LINS1: variants seen among roughly 807,000 people sequenced by gnomAD.
LINS1 encodes the protein protein Lines homolog 1.
LINS1 carries 27 observed loss-of-function variants against 41.6 expected under a neutral mutation model. The ratio of observed to expected loss-of-function variants is 0.65; its 90% CI spans 0.48 to 0.89. The LOEUF (loss-of-function observed/expected upper bound fraction) is 0.89, where lower values mean the gene tolerates loss of function less well. Ranked by LOEUF, LINS1 falls within the 40% of genes least tolerant of loss-of-function variation. The pLI, the probability that LINS1 is intolerant of heterozygous loss-of-function variation, is 0.00. For missense variants in LINS1, 955 were observed against 884.1 expected (o/e 1.08, Z -1.02); for synonymous variants, 336 against 312.9 (o/e 1.07, Z -0.78).
chr15:100,572,181 C>G, intron 5 of LINS1, 116 bp from the exon 6 acceptor site: 1 of 1,523,848 alleles, frequency 6.6e-7, no homozygotes, highest in Non-Finnish European at 8.8e-7. Flanking sequence ...TCCTAATTCA[C>G]TTTCAAAAAG....
At chr15:100,586,404 G>C (rs1042255974) in intron 1 of LINS1, 3 of 152,168 alleles carry the variant, frequency 2.0e-5, no homozygotes, top group Non-Finnish European at 2.9e-5. Context: ...AATGCTTTGA[G>C]CTATTTTTGA....
chr15:100,589,663 T>G (rs1266808175), intron 1 of LINS1, among the ~76,000 whole-genome samples: 1 of 152,216 alleles, frequency 6.6e-6, no homozygotes, highest in African/African-American at 2.4e-5. Flanking sequence ...TGGTGGCTTA[T>G]AAATTACTGA....
At chr15:100,582,940 A>C (rs183381975) in intron 1 of LINS1, among the ~76,000 whole-genome samples, 4,594 of 149,336 alleles carry the variant, frequency 0.031, 112 homozygotes, top group African/African-American at 0.11. Flanking sequence ...ACTATGGCCC[A>C]CTAGCCTAGT....
At chr15:100,584,844 T>A (rs575214364) in intron 1 of LINS1, among the ~76,000 whole-genome samples, 1 of 152,338 alleles carries the variant, frequency 6.6e-6, no homozygotes, top group Admixed American at 6.5e-5. Flanking sequence ...GTGCTTCTGA[T>A]CAACTGGCTC....
intron 1 of LINS1, among the ~76,000 whole-genome samples, chr15:100,599,673 C>T (rs751128177): frequency 1.3e-5 from 2 of 152,204 alleles, no homozygotes; most frequent in Non-Finnish European, 2.9e-5. Flanking sequence ...ATTTCTCTCT[C>T]CCTCTTTTTC....
At chr15:100,600,551 C>CAAAAAAAAAAAAAAAAAAAA (rs56911211) in intron 1 of LINS1, among the ~76,000 whole-genome samples, 10 of 79,680 alleles carry the variant, frequency 1.3e-4, no homozygotes, top group African/African-American at 6.0e-4. Context: ...TGCTGTTAAG[C>CAAAAAAAAAAAAAAAAAAAA]AAAAAAAAAA....
chr15:100,574,285 T>C, intron 4 of LINS1, 44 bp from the exon 5 acceptor site: 1 of 1,241,754 alleles, frequency 8.1e-7, no homozygotes, highest in Non-Finnish European at 1.2e-6. Flanking sequence ...AAAACAGTCT[T>C]CTTCAAACAA....
chr15:100,598,041 A>T (rs2039323242), intron 1 of LINS1, among the ~76,000 whole-genome samples: 1 of 152,102 alleles, frequency 6.6e-6, no homozygotes, highest in Non-Finnish European at 1.5e-5. Flanking sequence ...TTCTCCTTCC[A>T]CCCACTTTCC....
At chr15:100,571,051 AT>A (rs924674010) in intron 6 of LINS1, among the ~76,000 whole-genome samples, 3 of 152,170 alleles carry the variant, frequency 2.0e-5, no homozygotes, top group Non-Finnish European at 4.4e-5. Context: ...GTATTTGACC[AT>A]TTTGAACCTA....
intron 3 of LINS1, among the ~76,000 whole-genome samples, chr15:100,578,836 T>C (rs1158080449): frequency 2.6e-5 from 4 of 152,114 alleles, no homozygotes; most frequent in Non-Finnish European, 5.9e-5. Flanking sequence ...CATGGAATAC[T>C]ATGCAGCCAT....
Position 100,580,720 on chromosome 15 carries a change from A to G in LINS1, c.123T>C (p.Cys41=), listed in dbSNP as rs1404426551. 1 of 1,612,660 alleles carries G rather than the reference A, an allele frequency of 6.2e-7. No homozygotes were observed. Among genetic ancestry groups the G allele is most frequent in the Non-Finnish European group, 8.5e-7 (1 of 1,178,918 alleles). Residue 41 remains cysteine, a synonymous_variant, in exon 2 of 7, where the codon TGT becomes TGC. Coordinates refer to ENST00000314742, the MANE Select transcript of LINS1 (RefSeq NM_001040616.3). Reference sequence around the variant, plus strand: ...CCCATTCTAAGGAGGTGGCTGTAGAACAATCTTGATCTGAAACTGCTGGGT... The same window carrying G: ...CCCATTCTAAGGAGGTGGCTGTAGAGCAATCTTGATCTGAAACTGCTGGGT... ...YLNPAVSDQD[C]STATSLEWAN... is the part of the protein sequence containing the mutation.
chr15:100,584,427 T>C (rs1349274116), intron 1 of LINS1, among the ~76,000 whole-genome samples: 1 of 152,190 alleles, frequency 6.6e-6, no homozygotes, highest in Non-Finnish European at 1.5e-5. Flanking sequence ...TGAATGCCAG[T>C]AAATAAATAT....
At chr15:100,585,451 G>A (rs1211537541) in intron 1 of LINS1, among the ~76,000 whole-genome samples, 1 of 152,238 alleles carries the variant, frequency 6.6e-6, no homozygotes, top group African/African-American at 2.4e-5. Flanking sequence ...TGGTTAACAT[G>A]TGATGCTCTC....
At chr15:100,589,236 A>T (rs886624843) in intron 1 of LINS1, among the ~76,000 whole-genome samples, 1 of 152,216 alleles carries the variant, frequency 6.6e-6, no homozygotes, top group Non-Finnish European at 1.5e-5. Flanking sequence ...AAAGCATGGG[A>T]ATGTACATTT....
intron 3 of LINS1, among the ~76,000 whole-genome samples, chr15:100,578,587 C>T (rs2038332070): frequency 6.6e-6 from 1 of 152,172 alleles, no homozygotes; most frequent in Non-Finnish European, 1.5e-5. Flanking sequence ...GGACTGTAAA[C>T]TAGTTCAACC....
At chr15:100,598,453 G>A (rs1027446080) in intron 1 of LINS1, among the ~76,000 whole-genome samples, 1 of 152,194 alleles carries the variant, frequency 6.6e-6, no homozygotes, top group African/African-American at 2.4e-5. Context: ...ATCCATAGCA[G>A]GGATTAAGTT....
intron 1 of LINS1, among the ~76,000 whole-genome samples, chr15:100,600,826 T>C (rs928701305): frequency 3.3e-5 from 5 of 152,126 alleles, no homozygotes. Flanking sequence ...TCCAAAGTGG[T>C]TGTATCCAGG....
Position 100,580,882 on chromosome 15 carries a change from T to G in LINS1, c.-40A>C. ...TGTATCTTATAAGAAGGTCGACAAC[T>G]CCAAGTTGTAAACATTAAATCTCAG... On this transcript the variant is annotated 5_prime_UTR_variant, in exon 2 of 7. Coordinates refer to ENST00000314742, the MANE Select transcript of LINS1 (RefSeq NM_001040616.3). The G allele has an allele frequency of 2.5e-6, 4 of 1,571,564 alleles. No homozygotes were observed. The highest frequency in any genetic ancestry group is 3.5e-6 in the Non-Finnish European group (4 of 1,149,560).
At chr15:100,597,857 T>C (rs566311232) in intron 1 of LINS1, among the ~76,000 whole-genome samples, 101 of 152,384 alleles carry the variant, frequency 6.6e-4, no homozygotes, top group Admixed American at 1.2e-3. Flanking sequence ...GATTTTTCAA[T>C]TGATAAAACG....
Sources: allele counts gnomAD v4.1 joint callset (sites outside exome capture counted in the v4.1 genomes callset), GRCh38; gene constraint gnomAD v4.1.1; transcripts MANE v1.5; gene names NCBI Gene and HGNC (gene_info 2026-07-23, HGNC 2026-07-21).